WWOX: variants seen among roughly 807,000 people sequenced by gnomAD.
The protein encoded by WWOX is WW domain-containing oxidoreductase.
A neutral mutation model predicts 46.2 loss-of-function variants in WWOX; 69 were observed. That is an observed-to-expected ratio of 1.49 (90% confidence interval 1.23 to 1.82). The LOEUF (loss-of-function observed/expected upper bound fraction) is 1.82, where lower values mean the gene tolerates loss of function less well. WWOX is among the 40% of genes most tolerant of loss of function. The pLI, the probability that WWOX is intolerant of heterozygous loss-of-function variation, is 0.00. For synonymous variants in WWOX, 359 were observed against 202.6 expected, an observed-to-expected ratio of 1.77 and a Z score of -6.56; for missense variants, 919 against 542.6, an observed-to-expected ratio of 1.69 and a Z score of -6.89.
At chr16:79,090,120 G>A (rs1275312368) in intron 8 of WWOX, 1 of 152,220 alleles carries the variant, frequency 6.6e-6, no homozygotes, top group East Asian at 1.9e-4. Context: ...CTTTAATCAA[G>A]CTATAAATAT....
chr16:78,310,033 C>T (rs191969250), intron 5 of WWOX, among the ~76,000 whole-genome samples: 21 of 151,884 alleles, frequency 1.4e-4, no homozygotes, highest in Non-Finnish European at 2.4e-4. Context: ...CAATTATTGT[C>T]ATTATCTTCC....
intron 8 of WWOX, among the ~76,000 whole-genome samples, chr16:78,925,361 G>A (rs573705561): frequency 6.6e-6 from 1 of 152,134 alleles, no homozygotes; most frequent in Non-Finnish European, 1.5e-5. Context: ...AACAAAGGGA[G>A]ATCCACCCTT....
chr16:78,871,995 C>T (rs2044139394), intron 8 of WWOX, among the ~76,000 whole-genome samples: 1 of 152,188 alleles, frequency 6.6e-6, no homozygotes, highest in South Asian at 2.1e-4. Context: ...TCTCAGATGC[C>T]ACTCAACAAG....
At chr16:78,520,997 G>A (rs1193355234) in intron 8 of WWOX, among the ~76,000 whole-genome samples, 2 of 152,302 alleles carry the variant, frequency 1.3e-5, no homozygotes, top group South Asian at 2.1e-4. Flanking sequence ...GTGAAGGGCT[G>A]AATTTGCAGG....
intron 8 of WWOX, among the ~76,000 whole-genome samples, chr16:79,075,607 T>C (rs1368959562): frequency 1.3e-5 from 2 of 151,840 alleles, no homozygotes; most frequent in Non-Finnish European, 2.9e-5. Flanking sequence ...GGCTGGAGTT[T>C]AGTGGCATGA....
intron 4 of WWOX, among the ~76,000 whole-genome samples, chr16:78,120,560 G>A (rs2033042693): frequency 1.4e-5 from 2 of 148,054 alleles, no homozygotes; most frequent in South Asian, 4.3e-4. Flanking sequence ...CTGGGCGACA[G>A]AGCGAGACTC....
intron 8 of WWOX, among the ~76,000 whole-genome samples, chr16:78,746,593 T>C (rs946191666): frequency 2.6e-5 from 4 of 152,086 alleles, no homozygotes; most frequent in Non-Finnish European, 5.9e-5. Flanking sequence ...CTCTTGGCCT[T>C]GTAATTTTTT....
intron 8 of WWOX, among the ~76,000 whole-genome samples, chr16:78,942,751 C>T (rs970960079): frequency 6.6e-6 from 1 of 152,144 alleles, no homozygotes; most frequent in Non-Finnish European, 1.5e-5. Context: ...TATTTTGAGA[C>T]ATCATTGTGC....
At chr16:78,201,458 T>A (rs1156662789) in intron 5 of WWOX, among the ~76,000 whole-genome samples, 1 of 152,162 alleles carries the variant, frequency 6.6e-6, no homozygotes, top group Non-Finnish European at 1.5e-5. Flanking sequence ...ATGATAAATG[T>A]TTGGCAAAAC....
chr16:78,946,492 C>G (rs1205578909), intron 8 of WWOX, among the ~76,000 whole-genome samples: 1 of 151,992 alleles, frequency 6.6e-6, no homozygotes, highest in Non-Finnish European at 1.5e-5. Context: ...TGCCTGGCCT[C>G]TTTCTGTTTC....
chr16:79,188,671 C>G lies in WWOX; in HGVS notation c.1057-22937C>G, dbSNP rs4416027. ...TCTGCAGACCTCTTGGTTGCATGTG[C>G]TGGGTTGGGTCCTCCAAGTCTCTTA... On this transcript the variant is annotated intron_variant, in intron 8 of 8. Transcript: ENST00000566780. 2.2e-4 allele frequency among the ~76,000 whole-genome samples: 33 copies of G among 152,318 alleles called. No individual in the cohort carries two copies. In the South Asian group the frequency reaches 6.4e-3, roughly 30 times the overall value.
intron 8 of WWOX, among the ~76,000 whole-genome samples, chr16:78,965,188 A>G (rs2046342003): frequency 6.6e-6 from 1 of 152,166 alleles, no homozygotes; most frequent in Admixed American, 6.5e-5. Context: ...AGCTCTTTAA[A>G]CCTCATATGT....
At chr16:78,796,384 T>C (rs1889615823) in intron 8 of WWOX, among the ~76,000 whole-genome samples, 1 of 152,216 alleles carries the variant, frequency 6.6e-6, no homozygotes, top group Non-Finnish European at 1.5e-5. Flanking sequence ...AAGGAGTTAT[T>C]ATAGGTCAAG....
rs1482698162 is a variant in WWOX, at chr16:78,772,092, A to G, written c.1056+339340A>G. On this transcript the variant is annotated intron_variant, in intron 8 of 8. Transcript: ENST00000566780. The stretch of plus-strand genomic sequence containing the variant: ...GGGTACATGTGCAGGTTTGTTATAT[A>G]GGTAACTTCATGTCACAAAGGTTTG... Among the ~76,000 whole-genome samples, 5 of 152,280 alleles carry G rather than the reference A, an allele frequency of 3.3e-5. No homozygotes were observed. The Middle Eastern group carries it at 0.01, about 311-fold the overall frequency.
intron 8 of WWOX, among the ~76,000 whole-genome samples, chr16:79,159,125 T>G (rs1049996013): frequency 6.6e-6 from 1 of 152,162 alleles, no homozygotes. Flanking sequence ...TTTCTCTAAG[T>G]AAATATGCCT....
In WWOX at chr16:78,924,017, G is replaced by A. The variant is rs538260480; in HGVS notation, c.1057-287591G>A. On this transcript the variant is annotated intron_variant, in intron 8 of 8. Coordinates refer to ENST00000566780, the MANE Select transcript of WWOX (RefSeq NM_016373.4). Reference sequence around the variant, plus strand: ...TTTTTAGTAGAGACGGGGTTTCACCGTGTTAGCCAAGGATGGTTTTGATAT... The same window carrying A: ...TTTTTAGTAGAGACGGGGTTTCACCATGTTAGCCAAGGATGGTTTTGATAT... Among the ~76,000 whole-genome samples the A allele has an allele frequency of 8.6e-5, 13 of 151,852 alleles. No homozygotes were observed. The South Asian group carries it at 1.7e-3, about 20-fold the overall frequency.
intron 8 of WWOX, among the ~76,000 whole-genome samples, chr16:79,034,007 G>A (rs1399273228): frequency 1.3e-5 from 2 of 152,170 alleles, no homozygotes; most frequent in African/African-American, 4.8e-5. Flanking sequence ...TCATTCCTGG[G>A]GAAAGTAGTT....
intron 8 of WWOX, among the ~76,000 whole-genome samples, chr16:78,927,531 T>C (rs146390837): frequency 9.8e-4 from 149 of 152,324 alleles, no homozygotes; most frequent in Middle Eastern, 3.4e-3. Flanking sequence ...TCAATAGATA[T>C]TTGATAAATG....
chr16:78,748,228 G>GATGA (rs1442607165), intron 8 of WWOX, among the ~76,000 whole-genome samples: 1 of 152,130 alleles, frequency 6.6e-6, no homozygotes, highest in Non-Finnish European at 1.5e-5. Context: ...ATACATATCT[G>GATGA]ATGAATGAAT....
Sources: allele counts gnomAD v4.1 joint callset (sites outside exome capture counted in the v4.1 genomes callset), GRCh38; gene constraint gnomAD v4.1.1; transcripts MANE v1.5; gene names NCBI Gene and HGNC (gene_info 2026-07-23, HGNC 2026-07-21).